ITFG1: variants seen among roughly 807,000 people sequenced by gnomAD.
ITFG1 encodes the protein integrin alpha FG-GAP repeat containing 1.
In ITFG1, 34 loss-of-function variants were observed where a neutral mutation model predicts 81.8. The ratio of observed to expected loss-of-function variants is 0.42; its 90% CI spans 0.32 to 0.55. The LOEUF (loss-of-function observed/expected upper bound fraction) is 0.55. ITFG1 is among the 20% of genes least tolerant of loss of function. The probability of loss-of-function intolerance (pLI) is 0.17; values close to 1 mark genes in which losing one functional copy is unlikely to be tolerated. For synonymous variants in ITFG1, 285 were observed against 270.6 expected, an observed-to-expected ratio of 1.05 and a Z score of -0.52; for missense variants, 672 against 755.4, an observed-to-expected ratio of 0.89 and a Z score of 1.29.
At chr16:47,371,373 A>G (rs1299132338) in intron 7 of ITFG1, among the ~76,000 whole-genome samples, 1 of 152,208 alleles carries the variant, frequency 6.6e-6, no homozygotes, top group African/African-American at 2.4e-5. Flanking sequence ...AATGTTAGTA[A>G]TAGTAGTAGG....
intron 10 of ITFG1, among the ~76,000 whole-genome samples, chr16:47,261,946 A>G (rs1966213032): frequency 6.6e-6 from 1 of 152,266 alleles, no homozygotes; most frequent in Non-Finnish European, 1.5e-5. Context: ...GTGCTGGGAT[A>G]ATAGGTGTGA....
At chr16:47,264,079 CA>C (rs756037659) in intron 10 of ITFG1, among the ~76,000 whole-genome samples, 14 of 152,112 alleles carry the variant, frequency 9.2e-5, no homozygotes, top group East Asian at 1.9e-4. Context: ...ATATCTTAAA[CA>C]TTTTTTTATT....
chr16:47,244,841 A>G (rs190121674), intron 12 of ITFG1, among the ~76,000 whole-genome samples: 132 of 152,216 alleles, frequency 8.7e-4, no homozygotes, highest in Non-Finnish European at 1.5e-3. Flanking sequence ...CTACATGCAC[A>G]TGAAAAGAAC....
chr16:47,439,303 G>A (rs1168098866), intron 5 of ITFG1, among the ~76,000 whole-genome samples: 1 of 152,158 alleles, frequency 6.6e-6, no homozygotes, highest in African/African-American at 2.4e-5. Context: ...TAGCAAGGCA[G>A]GCCAACACTG....
At chr16:47,226,455 T>C (rs1178053443) in intron 13 of ITFG1, among the ~76,000 whole-genome samples, 3 of 152,156 alleles carry the variant, frequency 2.0e-5, no homozygotes, top group African/African-American at 4.8e-5. Context: ...ATGTGCCACG[T>C]TGGTGTGCTG....
intron 6 of ITFG1, among the ~76,000 whole-genome samples, chr16:47,387,886 C>A (rs1476161623): frequency 1.3e-5 from 2 of 151,268 alleles, no homozygotes; most frequent in Non-Finnish European, 1.5e-5. Context: ...TGAGAGGGAC[C>A]AGATGTAAAT....
chr16:47,269,117 T>A (rs1966309131), intron 10 of ITFG1, among the ~76,000 whole-genome samples: 1 of 152,176 alleles, frequency 6.6e-6, no homozygotes, highest in Non-Finnish European at 1.5e-5. Context: ...CAAGAATGCG[T>A]GCTTTCACCA....
intron 12 of ITFG1, among the ~76,000 whole-genome samples, chr16:47,244,432 G>C (rs950405376): frequency 6.6e-6 from 1 of 152,152 alleles, no homozygotes; most frequent in South Asian, 2.1e-4. Flanking sequence ...AGAATTGATT[G>C]ATTGGTTGGT....
chr16:47,459,455 T>C (rs922874143), intron 1 of ITFG1, among the ~76,000 whole-genome samples: 4 of 152,200 alleles, frequency 2.6e-5, no homozygotes, highest in South Asian at 2.1e-4. Context: ...AGGAGTCAGA[T>C]TGGTTGACTT....
chr16:47,365,322 T>G (rs1968162461), intron 8 of ITFG1, among the ~76,000 whole-genome samples: 1 of 152,196 alleles, frequency 6.6e-6, no homozygotes, highest in African/African-American at 2.4e-5. Context: ...TGCAGAATCT[T>G]ACGGAAAACA....
intron 8 of ITFG1, among the ~76,000 whole-genome samples, chr16:47,318,641 G>A (rs138235725): frequency 6.6e-6 from 1 of 152,064 alleles, no homozygotes; most frequent in East Asian, 1.9e-4. Context: ...TTATATCTAT[G>A]CTTATTTACT....
intron 14 of ITFG1, among the ~76,000 whole-genome samples, chr16:47,186,616 T>C (rs1015643645): frequency 5.3e-5 from 8 of 152,244 alleles, no homozygotes; most frequent in South Asian, 2.1e-4. Flanking sequence ...TATTTCAAAA[T>C]AATAAGAGCT....
intron 7 of ITFG1, among the ~76,000 whole-genome samples, chr16:47,371,897 G>T (rs1252318954): frequency 2.0e-5 from 3 of 151,540 alleles, no homozygotes; most frequent in Non-Finnish European, 4.4e-5. Flanking sequence ...CCAAGGATCT[G>T]GTTTTGCCAC....
chr16:47,285,130 C>T (rs1026322007), intron 10 of ITFG1, among the ~76,000 whole-genome samples: 2 of 152,120 alleles, frequency 1.3e-5, no homozygotes, highest in African/African-American at 4.8e-5. Flanking sequence ...AGGCCTCTGA[C>T]CTTCTCCTGC....
chr16:47,379,195 C>G (rs1296555791), intron 6 of ITFG1, among the ~76,000 whole-genome samples: 2 of 152,166 alleles, frequency 1.3e-5, no homozygotes, highest in Non-Finnish European at 2.9e-5. Flanking sequence ...ATTCCACATT[C>G]AGAGCTCCCC....
At chr16:47,364,095 T>C (rs549827216) in intron 8 of ITFG1, among the ~76,000 whole-genome samples, 22 of 152,338 alleles carry the variant, frequency 1.4e-4, no homozygotes, top group Non-Finnish European at 2.2e-4. Context: ...ATATTTTTGA[T>C]ATGTTAATAT....
At chr16:47,262,414 A>G (rs952198265) in intron 10 of ITFG1, among the ~76,000 whole-genome samples, 4 of 152,210 alleles carry the variant, frequency 2.6e-5, no homozygotes, top group Non-Finnish European at 4.4e-5. Flanking sequence ...CCTTTTAGCT[A>G]AAGAGTTTTT....
chr16:47,385,135 T>C (rs1421498576), intron 6 of ITFG1, among the ~76,000 whole-genome samples: 1 of 152,222 alleles, frequency 6.6e-6, no homozygotes, highest in African/African-American at 2.4e-5. Context: ...TTCACATTAG[T>C]GAAATGCTAA....
chr16:47,461,210 A>G (rs1480859765), upstream of ITFG1: 2 of 973,592 alleles, frequency 2.1e-6, no homozygotes, highest in African/African-American at 3.3e-5. Context: ...GACGCTAAAA[A>G]AGCAGTGGAG....
Sources: allele counts gnomAD v4.1 joint callset (sites outside exome capture counted in the v4.1 genomes callset), GRCh38; gene constraint gnomAD v4.1.1; transcripts MANE v1.5; gene names NCBI Gene and HGNC (gene_info 2026-07-23, HGNC 2026-07-21).